Variants in SERINC5 observed in about 807,000 individuals in gnomAD.
SERINC5 encodes serine incorporator 5.
A neutral mutation model predicts 63.1 loss-of-function variants in SERINC5; 41 were observed. The observed-to-expected ratio is 0.65, with a 90% confidence interval of 0.51 to 0.84. The LOEUF (loss-of-function observed/expected upper bound fraction) is 0.84. SERINC5 is among the 40% of genes least tolerant of loss of function. The pLI is 0.00. For missense variants in SERINC5, 523 were observed against 573.0 expected, an observed-to-expected ratio of 0.91 and a Z score of 0.89; for synonymous variants, 222 against 215.2, an observed-to-expected ratio of 1.03 and a Z score of -0.28.
At chr5:80,176,410 A>G (rs1158455941) in intron 4 of SERINC5, among the ~76,000 whole-genome samples, 3 of 152,158 alleles carry the variant, frequency 2.0e-5, no homozygotes, top group Non-Finnish European at 2.9e-5. Context: ...TGTTCCTTAT[A>G]AACTGACACA....
chr5:80,223,205 T>C (rs893406872), intron 1 of SERINC5, among the ~76,000 whole-genome samples: 1 of 152,174 alleles, frequency 6.6e-6, no homozygotes, highest in Non-Finnish European at 1.5e-5. Flanking sequence ...ATAAGGCATA[T>C]AGCTATCCCT....
At chr5:80,123,818 G>A (rs867786528) in intron 11 of SERINC5, among the ~76,000 whole-genome samples, 16 of 152,196 alleles carry the variant, frequency 1.1e-4, no homozygotes, top group Non-Finnish European at 1.0e-4. Context: ...GGAAGGGGAA[G>A]GTAGCTTATT....
Position 80,142,845 on chromosome 5 carries a change from G to A in SERINC5, c.*818C>T. On this transcript the variant is annotated 3_prime_UTR_variant, in exon 12 of 12. Coordinates refer to ENST00000507668, the MANE Select transcript of SERINC5 (RefSeq NM_001174072.3). ...AGAATGATAGCCCTCCATTGCTTAG[G>A]CAGAGAAAACATGAATCTTGTTCTA... 1 of 985,376 alleles carries A rather than the reference G, an allele frequency of 1.0e-6. No individual in the cohort carries two copies. Among genetic ancestry groups the A allele is most frequent in the Non-Finnish European group, 1.2e-6 (1 of 829,886 alleles). 61.0% of individuals were successfully genotyped at this position (985,376 alleles called of 1,614,324 possible).
chr5:80,158,410 A>G, intron 8 of SERINC5: 1 of 175,044 alleles, frequency 5.7e-6, no homozygotes, highest in Non-Finnish European at 1.2e-5. Flanking sequence ...ACAGCAGAAG[A>G]AAGCTATTTC....
At chr5:80,147,491 C>T (rs977948494) in intron 9 of SERINC5, among the ~76,000 whole-genome samples, 2 of 152,200 alleles carry the variant, frequency 1.3e-5, no homozygotes, top group African/African-American at 4.8e-5. Flanking sequence ...TTGGTGCTCG[C>T]TCCTGCTACC....
In SERINC5 at chr5:80,139,774, TGAA is replaced by T. The variant is rs1402496126; in HGVS notation, c.*3886_*3888del. On this transcript the variant is annotated 3_prime_UTR_variant, in exon 12 of 12. Transcript: ENST00000507668. ...AGCCAAGTGGCTACTGCATTGTCCC[TGAA>T]GAAGGAGGGCCCAGTGTTCTTTCTG... The T allele has an allele frequency of 6.1e-6, 6 of 985,360 alleles. No individual in the cohort carries two copies. The highest frequency in any genetic ancestry group is 7.2e-6 in the Non-Finnish European group (6 of 829,956). The allele number at this position is 985,360 out of a possible 1,614,324, so 61.0% of individuals were successfully genotyped here.
At chr5:80,161,262 T>C (rs537922553) in intron 7 of SERINC5, among the ~76,000 whole-genome samples, 1 of 152,242 alleles carries the variant, frequency 6.6e-6, no homozygotes, top group South Asian at 2.1e-4. Flanking sequence ...TTTAGTTCTC[T>C]GAGAAATCTC....
intron 1 of SERINC5, among the ~76,000 whole-genome samples, chr5:80,223,950 A>AC (rs200346475): frequency 0.012 from 1,816 of 150,520 alleles, 34 homozygotes; most frequent in African/African-American, 0.041. Flanking sequence ...ACATGGTGAA[A>AC]CCCCGTCTCA....
intron 7 of SERINC5, among the ~76,000 whole-genome samples, chr5:80,164,137 A>G (rs1238473001): frequency 6.6e-6 from 1 of 152,112 alleles, no homozygotes; most frequent in East Asian, 1.9e-4. Flanking sequence ...TTGTAAGTAT[A>G]TGGAAGTTCA....
chr5:80,140,316 A>C lies in SERINC5; in HGVS notation c.*3347T>G. ...AGTGAGCCCGTCTCCAAAAAAAAAAAAAAAAAAAAAAAAAAAGGCTTAGGG... is the reference window on the plus strand; with the variant it reads ...AGTGAGCCCGTCTCCAAAAAAAAAACAAAAAAAAAAAAAAAAGGCTTAGGG... On this transcript the variant is annotated 3_prime_UTR_variant, in exon 12 of 12. Transcript: ENST00000507668. 1 of 874,324 alleles carries C rather than the reference A, an allele frequency of 1.1e-6. No individual in the cohort carries two copies. The allele number at this position is 874,324 out of a possible 1,614,324, so 54.2% of individuals were successfully genotyped here.
rs183150706 is a variant in SERINC5, at chr5:80,170,098, T to C, written c.552-552A>G. 3.9e-4 allele frequency among the ~76,000 whole-genome samples: 59 copies of C among 152,268 alleles called. No homozygotes were observed. In the Middle Eastern group the frequency reaches 0.01, roughly 27 times the overall value. ...AGTAAACCCTGCTATACAAGAGATATGATCAACATTCAAAAAGGGAGTAAA... is the reference window on the plus strand; with the variant it reads ...AGTAAACCCTGCTATACAAGAGATACGATCAACATTCAAAAAGGGAGTAAA... On this transcript the variant is annotated intron_variant, in intron 5 of 11. Coordinates refer to ENST00000507668, the MANE Select transcript of SERINC5 (RefSeq NM_001174072.3).
chr5:80,255,837 G>GA (rs1312441601), intron 1 of SERINC5, 59 bp downstream of exon 1: 1 of 1,563,434 alleles, frequency 6.4e-7, no homozygotes. Context: ...CTCCACGCCT[G>GA]GACTCCTGGC....
Position 80,138,731 on chromosome 5 carries a change from A to G in SERINC5, c.*4932T>C. On this transcript the variant is annotated 3_prime_UTR_variant, in exon 12 of 12. Transcript: ENST00000507668. ...TACATATTTCAAAACATCATGTTGC[A>G]CACCACAGATATATATCTTTTATTT... 1 of 773,766 alleles carries G rather than the reference A, an allele frequency of 1.3e-6. No individual in the cohort carries two copies. Among genetic ancestry groups the G allele is most frequent in the Non-Finnish European group, 1.6e-6 (1 of 636,918 alleles). 47.9% of individuals were successfully genotyped at this position (773,766 alleles called of 1,614,324 possible).
chr5:80,237,892 C>T (rs1015263259), intron 1 of SERINC5, among the ~76,000 whole-genome samples: 1 of 151,832 alleles, frequency 6.6e-6, no homozygotes, highest in African/African-American at 2.4e-5. Flanking sequence ...ATCACGAGGT[C>T]AAGAGATCGA....
intron 8 of SERINC5, among the ~76,000 whole-genome samples, chr5:80,155,937 G>A (rs138756890): frequency 2.6e-5 from 4 of 151,964 alleles, no homozygotes; most frequent in Non-Finnish European, 5.9e-5. Context: ...CTTCTTCTGA[G>A]CTGAGGCTAC....
At chr5:80,158,485 C>T in intron 8 of SERINC5, 1 of 213,714 alleles carries the variant, frequency 4.7e-6, no homozygotes, top group South Asian at 8.9e-5. Flanking sequence ...TTGTGCTCCC[C>T]TGCCCTCCAG....
intron 1 of SERINC5, among the ~76,000 whole-genome samples, chr5:80,222,587 T>TGTGTG (rs1580187041): frequency 6.6e-6 from 1 of 151,742 alleles, no homozygotes; most frequent in Non-Finnish European, 1.5e-5. Flanking sequence ...TGTGTGTGTG[T>TGTGTG]TTGAGACGGA....
chr5:80,151,196 A>C (rs1274709437), intron 8 of SERINC5, among the ~76,000 whole-genome samples: 1 of 152,222 alleles, frequency 6.6e-6, no homozygotes, highest in Admixed American at 6.5e-5. Context: ...GTAGGTAGAG[A>C]AGTAAGATAT....
chr5:80,183,941 A>G (rs932471235), intron 2 of SERINC5, among the ~76,000 whole-genome samples: 7 of 152,222 alleles, frequency 4.6e-5, no homozygotes, highest in African/African-American at 1.7e-4. Context: ...TCAGTCACAC[A>G]GGTGCTTTCT....
Sources: allele counts gnomAD v4.1 joint callset (sites outside exome capture counted in the v4.1 genomes callset), GRCh38; gene constraint gnomAD v4.1.1; transcripts MANE v1.5; gene names NCBI Gene and HGNC (gene_info 2026-07-23, HGNC 2026-07-21).